Variants in ARTN observed in about 807,000 individuals in gnomAD.
ARTN encodes the protein artemin, also known as neublastin.
ARTN carries 9 observed loss-of-function variants against 15.4 expected under a neutral mutation model. The observed-to-expected ratio is 0.58, with a 90% CI of 0.35 to 1.02. The LOEUF (loss-of-function observed/expected upper bound fraction) is 1.02. Ranked by LOEUF, ARTN falls within the 50% of genes least tolerant of loss-of-function variation. ARTN has a pLI of 0.02. For synonymous variants in ARTN, 163 were observed against 155.8 expected (o/e 1.05, Z -0.35); for missense variants, 284 against 327.9 (o/e 0.87, Z 1.03).
intron 2 of ARTN, among the ~76,000 whole-genome samples, chr1:43,934,993 C>T (rs1233490786): frequency 5.9e-5 from 9 of 152,184 alleles, no homozygotes; most frequent in African/African-American, 1.9e-4. Context: ...CACCATCCCC[C>T]GGCTCTGTGG....
chr1:43,936,174 C>T lies in ARTN; in HGVS notation c.142C>T (p.Pro48Ser). The change falls in exon 4 of 5, where the codon CCT becomes TCT. Residue 48 changes from proline (P) to serine (S), a missense_variant. Coordinates refer to ENST00000372359, the MANE Select transcript of ARTN (RefSeq NM_057091.3). This position sits in a 1 kb window ranked among gnomAD's most constrained non-coding sequence, Gnocchi z 6.6. ...CTCCCTGGGCTCCGCGCCCCGCAGC[C>T]CTGCCCCCCGCGAAGGCCCCCCGCC... is the stretch of plus-strand genomic sequence containing the variant. ...EASLGSAPRS[P>S]APREGPPPVL... 1 of 1,548,842 alleles carries T rather than the reference C, an allele frequency of 6.5e-7. No individual in the cohort carries two copies.
In ARTN at chr1:43,935,699, C is replaced by T. The variant is rs1381165529; in HGVS notation, c.43C>T (p.Pro15Ser). The change falls in exon 3 of 5, where the codon CCC (proline) becomes TCC (serine). Residue 15 changes from proline (P) to serine (S), a missense_variant. By Grantham distance (74) the Pro-to-Ser change is moderately conservative (BLOSUM62 -1). Transcript: ENST00000372359. ...LGGLSTLSHC[P>S]WPRQQPALWP... is the part of the protein sequence containing the mutation. ...AGGCCTCTCCACGCTGTCCCACTGC[C>T]CCTGGCCTAGGCAGCAGGTGAGTGG... The T allele has an allele frequency of 1.2e-6, 2 of 1,613,150 alleles. No individual in the cohort carries two copies. The highest frequency in any genetic ancestry group is 4.5e-5 in the East Asian group (2 of 44,864).
chr1:43,935,604 G>A lies in ARTN; in HGVS notation c.-53G>A. The A allele has an allele frequency of 6.3e-7, 1 of 1,581,906 alleles. No individual in the cohort carries two copies. Among genetic ancestry groups the A allele is most frequent in the East Asian group, 2.3e-5 (1 of 44,354 alleles). ...TAATTTGCAAGCTGCCTCAACAGGA[G>A]GGTGGGGGAACAGCTCAACAATGGC... On this transcript the variant is annotated 5_prime_UTR_variant, in exon 3 of 5. Transcript: ENST00000372359.
At position 43,935,545 on chromosome 1, in the gene ARTN, C is replaced by T. The variant is rs2085080781; in HGVS notation, c.-67-45C>T. ...TCCTCACCTGGAGAAACTGGGGTGG[C>T]AGGCCGGTCCCCCACAAAAGATAAC... On this transcript the variant is annotated intron_variant, in intron 2 of 4. Coordinates refer to ENST00000372359, the MANE Select transcript of ARTN (RefSeq NM_057091.3). 13 of 1,136,370 alleles carry T rather than the reference C, an allele frequency of 1.1e-5. No homozygotes were observed. The South Asian group carries it at 1.8e-4, about 16-fold the overall frequency. 70.4% of individuals were successfully genotyped at this position (1,136,370 alleles called of 1,614,324 possible). A position where few individuals can be genotyped will look rare whatever the true frequency, so the allele number is the denominator to read the frequency against.
chr1:43,936,211 C>A lies in ARTN; in HGVS notation c.179C>A (p.Ser60Tyr), dbSNP rs1403284089. Residue 60 changes from serine (S) to tyrosine (Y), a missense_variant, in exon 4 of 5, where the codon TCC becomes TAC. Ser to Tyr is a moderately radical substitution (Grantham distance 144). Transcript: ENST00000372359. The surrounding 1 kb of genome is among the most constrained non-coding windows in gnomAD (Gnocchi z 6.6). ...GAAGGCCCCCCGCCTGTCCTGGCGTCCCCCGCCGGCCACCTGCCGGGTAGG... is the reference window on the plus strand; with the variant it reads ...GAAGGCCCCCCGCCTGTCCTGGCGTACCCCGCCGGCCACCTGCCGGGTAGG... ...PREGPPPVLA[S>Y]PAGHLPGGRT... 2.7e-6 allele frequency: 4 copies of A among 1,484,976 alleles called. No homozygotes were observed. The African/African-American group carries it at 5.8e-5, about 21-fold the overall frequency. The allele number at this position is 1,484,976 out of a possible 1,614,324, so 92.0% of individuals were successfully genotyped here.
Position 43,934,203 on chromosome 1 carries a change from A to G in ARTN, c.-125A>G. On this transcript the variant is annotated 5_prime_UTR_variant, in exon 2 of 5. Coordinates refer to ENST00000372359, the MANE Select transcript of ARTN (RefSeq NM_057091.3). ...GCATGCGCTGTTTGAGCTTCGGGGGAGAGCCCAGCACTGGTCCCCGGAAAG... is the reference window on the plus strand; with the variant it reads ...GCATGCGCTGTTTGAGCTTCGGGGGGGAGCCCAGCACTGGTCCCCGGAAAG... 6.5e-6 allele frequency: 1 copy of G among 152,940 alleles called. No homozygotes were observed. The highest frequency in any genetic ancestry group is 1.5e-5 in the Non-Finnish European group (1 of 68,196). The allele number at this position is 152,940 out of a possible 1,614,324, so 9.5% of individuals were successfully genotyped here. A position where few individuals can be genotyped will look rare whatever the true frequency, so the allele number is the denominator to read the frequency against.
In ARTN at chr1:43,936,253, C is replaced by A; in HGVS notation, c.199+22C>A. On this transcript the variant is annotated intron_variant, in intron 4 of 4. Coordinates refer to ENST00000372359, the MANE Select transcript of ARTN (RefSeq NM_057091.3). The surrounding 1 kb of genome is among the most constrained non-coding windows in gnomAD (Gnocchi z 6.6). The stretch of plus-strand genomic sequence containing the variant: ...CCGGGTAGGTGAGAGGGCGAGGGGG[C>A]GGGGCGGGGCTGGCCCGGGACACCG... The A allele has an allele frequency of 7.1e-7, 1 of 1,413,104 alleles. No homozygotes were observed. Among genetic ancestry groups the A allele is most frequent in the Non-Finnish European group, 9.1e-7 (1 of 1,094,346 alleles). 87.5% of individuals were successfully genotyped at this position (1,413,104 alleles called of 1,614,324 possible). A position where few individuals can be genotyped will look rare whatever the true frequency, so the allele number is the denominator to read the frequency against.
At position 43,937,003 on chromosome 1, in the gene ARTN, A is replaced by G. The variant is rs776841585; in HGVS notation, c.*238A>G. ...CTAAAAGACACCAGAGACCTCAGCT[A>G]TGGAGCCCTTCGGACCCACTTCTCA... On this transcript the variant is annotated 3_prime_UTR_variant, in exon 5 of 5. Coordinates refer to ENST00000372359, the MANE Select transcript of ARTN (RefSeq NM_057091.3). 2 of 482,130 alleles carry G rather than the reference A, an allele frequency of 4.1e-6. No homozygotes were observed. The highest frequency in any genetic ancestry group is 6.5e-6 in the Non-Finnish European group (2 of 307,970). The allele number at this position is 482,130 out of a possible 1,614,324, so 29.9% of individuals were successfully genotyped here.
intron 1 of ARTN, 28 bp downstream of exon 1, chr1:43,933,913 G>C (rs903514410): frequency 2.0e-5 from 3 of 152,208 alleles, no homozygotes; most frequent in African/African-American, 7.2e-5. Context: ...CCTGTTTCTG[G>C]TCCCAGCCCT....
In ARTN at chr1:43,936,720, A is replaced by G. The variant is rs1284914342; in HGVS notation, c.618A>G (p.Arg206=). The G allele has an allele frequency of 2.9e-5, 46 of 1,567,238 alleles. No homozygotes were observed. Among genetic ancestry groups the G allele is most frequent in the Non-Finnish European group, 3.9e-5 (45 of 1,151,914 alleles). The change falls in exon 5 of 5, where the codon AGA becomes AGG. Residue 206 remains arginine (R), a synonymous_variant. Transcript: ENST00000372359. The surrounding 1 kb of genome is among the most constrained non-coding windows in gnomAD (Gnocchi z 6.6). ...VSFMDVNSTW[R]TVDRLSATAC... ...TCATGGACGTCAACAGCACCTGGAG[A>G]ACCGTGGACCGCCTCTCCGCCACCG... is the stretch of plus-strand genomic sequence containing the variant.
At chr1:43,934,618 A>G (rs2085072370) in intron 2 of ARTN, 1 of 152,720 alleles carries the variant, frequency 6.5e-6, no homozygotes, top group South Asian at 2.1e-4. Context: ...ATGAGGACTT[A>G]CGAAGGCTCT....
In ARTN at chr1:43,936,619, G is replaced by A; in HGVS notation, c.517G>A (p.Ala173Thr). ...CCTGGCCAGCCTACTGGGCGCCGGG[G>A]CCCTGCGACCGCCCCCGGGCTCCCG... Reference protein sequence around the residue: ...LSLASLLGAGALRPPPGSRPV... With the variant: ...LSLASLLGAGTLRPPPGSRPV... The change falls in exon 5 of 5, where the codon GCC (alanine) becomes ACC (threonine). Residue 173 changes from alanine (A) to threonine (T), a missense_variant. Coordinates refer to ENST00000372359, the MANE Select transcript of ARTN (RefSeq NM_057091.3). This position sits in a 1 kb window ranked among gnomAD's most constrained non-coding sequence, Gnocchi z 6.6. 3 of 1,593,372 alleles carry A rather than the reference G, an allele frequency of 1.9e-6. No homozygotes were observed. Among genetic ancestry groups the A allele is most frequent in the Non-Finnish European group, 2.6e-6 (3 of 1,170,754 alleles).
In ARTN at chr1:43,935,625, A is replaced by C. The variant is rs780456698; in HGVS notation, c.-32A>C. Reference sequence around the variant, plus strand: ...AGGAGGGTGGGGGAACAGCTCAACAATGGCTGATGGGCGCTCCTGGTGTTG... The same window carrying C: ...AGGAGGGTGGGGGAACAGCTCAACACTGGCTGATGGGCGCTCCTGGTGTTG... On this transcript the variant is annotated 5_prime_UTR_variant, in exon 3 of 5. It removes an upstream start codon present in the reference 5' UTR. Transcript: ENST00000372359. 6.2e-7 allele frequency: 1 copy of C among 1,609,994 alleles called. No individual in the cohort carries two copies. The highest frequency in any genetic ancestry group is 1.1e-5 in the South Asian group (1 of 90,374).
rs1416205586 is a variant in ARTN, at chr1:43,936,219, G to A, written c.187G>A (p.Gly63Ser). The change falls in exon 4 of 5, where the codon GGC becomes AGC. Residue 63 changes from glycine to serine, a missense_variant. Coordinates refer to ENST00000372359, the MANE Select transcript of ARTN (RefSeq NM_057091.3). This position sits in a 1 kb window ranked among gnomAD's most constrained non-coding sequence, Gnocchi z 6.6. ...CCCGCCTGTCCTGGCGTCCCCCGCC[G>A]GCCACCTGCCGGGTAGGTGAGAGGG... is the stretch of plus-strand genomic sequence containing the variant. Reference protein sequence around the residue: ...GPPPVLASPAGHLPGGRTARW... With the variant: ...GPPPVLASPASHLPGGRTARW... The A allele has an allele frequency of 2.0e-6, 3 of 1,479,492 alleles. No individual in the cohort carries two copies. The highest frequency in any genetic ancestry group is 2.9e-5 in the African/African-American group (2 of 69,010). The allele number at this position is 1,479,492 out of a possible 1,614,324, so 91.6% of individuals were successfully genotyped here. A position where few individuals can be genotyped will look rare whatever the true frequency, so the allele number is the denominator to read the frequency against.
Position 43,936,877 on chromosome 1 carries a change from A to C in ARTN, c.*112A>C. The C allele has an allele frequency of 7.8e-7, 1 of 1,288,306 alleles. No homozygotes were observed. Among genetic ancestry groups the C allele is most frequent in the Non-Finnish European group, 9.9e-7 (1 of 1,006,604 alleles). The allele number at this position is 1,288,306 out of a possible 1,614,324, so 79.8% of individuals were successfully genotyped here. On this transcript the variant is annotated 3_prime_UTR_variant, in exon 5 of 5. Coordinates refer to ENST00000372359, the MANE Select transcript of ARTN (RefSeq NM_057091.3). The surrounding 1 kb of genome is among the most constrained non-coding windows in gnomAD (Gnocchi z 6.6). ...GCCTCAGCCAGGGACGAAGGCCTCA[A>C]AGCTGAGAGGCCCCTGCCGGTGGGT...
chr1:43,935,748 T>C, intron 3 of ARTN, 32 bp downstream of exon 3: 1 of 1,589,648 alleles, frequency 6.3e-7, no homozygotes, highest in Non-Finnish European at 8.6e-7. Context: ...TCCTACCTGG[T>C]ACTGAGGAAA....
At chr1:43,934,837 C>A (rs1475173953) in intron 2 of ARTN, among the ~76,000 whole-genome samples, 1 of 152,162 alleles carries the variant, frequency 6.6e-6, no homozygotes. Context: ...AGCTGGCCCT[C>A]CTGGGAGTGG....
rs1367176740 is a variant in ARTN at position 43,933,837 on chromosome 1, T to G, written c.-265T>G. 6.6e-6 allele frequency: 1 copy of G among 152,270 alleles called. No homozygotes were observed. Among genetic ancestry groups the G allele is most frequent in the African/African-American group, 2.4e-5 (1 of 41,426 alleles). 9.4% of individuals were successfully genotyped at this position (152,270 alleles called of 1,614,324 possible). A position where few individuals can be genotyped will look rare whatever the true frequency, so the allele number is the denominator to read the frequency against. ...GGGGGCTCCGCCAGCAGCAGGTCCC[T>G]CGGGCCCCAGCCCTCGCTGCCACCC... On this transcript the variant is annotated 5_prime_UTR_variant, in exon 1 of 5. Coordinates refer to ENST00000372359, the MANE Select transcript of ARTN (RefSeq NM_057091.3).
intron 3 of ARTN, 23 bp downstream of exon 3, chr1:43,935,739 C>T (rs2085084442): frequency 6.2e-7 from 1 of 1,601,810 alleles, no homozygotes; most frequent in African/African-American, 1.3e-5. Context: ...CCCAGTGACT[C>T]CTACCTGGTA....
Sources: gnomAD v4.1 joint callset for allele counts (sites outside exome capture counted in the v4.1 genomes callset) on GRCh38, gnomAD v4.1.1 for gene constraint, Gnocchi (gnomAD v3.1) non-coding constraint, MANE v1.5 for transcripts, NCBI Gene and HGNC (gene_info 2026-07-23, HGNC 2026-07-21) for gene names.